VMP1: variants seen among roughly 807,000 people sequenced by gnomAD.
VMP1 encodes the protein vacuole membrane protein 1.
Under a neutral mutation model 56.0 loss-of-function variants are expected in VMP1, and 11 were observed. The ratio of observed to expected loss-of-function variants is 0.20; its 90% CI spans 0.12 to 0.32. VMP1 has a LOEUF of 0.32. Among genes scored for constraint, VMP1 ranks in the 10% least tolerant of loss-of-function variants. The pLI is 1.00. For missense variants in VMP1, 296 were observed against 490.3 expected, an observed-to-expected ratio of 0.60 and a Z score of 3.74; for synonymous variants, 149 against 165.0, an observed-to-expected ratio of 0.90 and a Z score of 0.74.
chr17:59,713,393 A>G (rs898382390), intron 1 of VMP1, among the ~76,000 whole-genome samples: 1 of 152,154 alleles, frequency 6.6e-6, no homozygotes, highest in African/African-American at 2.4e-5. Flanking sequence ...TAGAACTTAA[A>G]GTATAATAAT....
chr17:59,830,774 G>T (rs1381032877), intron 10 of VMP1, among the ~76,000 whole-genome samples: 1 of 152,208 alleles, frequency 6.6e-6, no homozygotes, highest in Non-Finnish European at 1.5e-5. Flanking sequence ...CAACTGCTTA[G>T]ACTTTAAGTA....
At position 59,738,943 on chromosome 17, in the gene VMP1, A is replaced by G; in HGVS notation, c.410A>G (p.Tyr137Cys). 1 of 1,591,056 alleles carries G rather than the reference A, an allele frequency of 6.3e-7. No homozygotes were observed. The highest frequency in any genetic ancestry group is 2.3e-5 in the East Asian group (1 of 44,000). Residue 137 changes from tyrosine (Y) to cysteine (C), a missense_variant, in exon 5 of 12, where the codon TAT becomes TGT. Tyr to Cys is a radical substitution (Grantham distance 194). This residue lies in a region of VMP1 where 126 missense variants were observed against 231.6 expected (regional missense o/e 0.54). Transcript: ENST00000262291. ...ACAGGGCTGCACACCTTTCTGCTTT[A>G]TCTGGTAAGAATAATTTTATTTTAA... ...LGTGLHTFLL[Y>C]LGPHIASVTL...
At chr17:59,765,586 C>T (rs1398025058) in intron 6 of VMP1, among the ~76,000 whole-genome samples, 1 of 152,066 alleles carries the variant, frequency 6.6e-6, no homozygotes, top group African/African-American at 2.4e-5. Flanking sequence ...TATTGTATAC[C>T]ATATTACAAA....
chr17:59,735,693 T>A, intron 3 of VMP1: 1 of 491,266 alleles, frequency 2.0e-6, no homozygotes, highest in Admixed American at 3.4e-5. Flanking sequence ...ATTATCACAG[T>A]TGTCCACTGT....
chr17:59,828,129 C>G (rs1023732218), intron 10 of VMP1, among the ~76,000 whole-genome samples: 5 of 152,128 alleles, frequency 3.3e-5, no homozygotes, highest in African/African-American at 1.2e-4. Flanking sequence ...TTACCTAGTC[C>G]TTATAGACCA....
chr17:59,717,124 C>T (rs1478073316), intron 1 of VMP1, among the ~76,000 whole-genome samples: 2 of 152,050 alleles, frequency 1.3e-5, no homozygotes, highest in Non-Finnish European at 2.9e-5. Context: ...GGACTACTGG[C>T]GCCCACCACC....
At chr17:59,807,729 G>A (rs1405066846) in intron 7 of VMP1, among the ~76,000 whole-genome samples, 1 of 151,702 alleles carries the variant, frequency 6.6e-6, no homozygotes, top group Non-Finnish European at 1.5e-5. Flanking sequence ...CTACTGGGAA[G>A]GCTGAGGCGA....
At chr17:59,720,494 A>G (rs571142804) in intron 1 of VMP1, among the ~76,000 whole-genome samples, 29 of 152,318 alleles carry the variant, frequency 1.9e-4, no homozygotes, top group Non-Finnish European at 4.0e-4. Flanking sequence ...GCATACTAAT[A>G]TGGAAAGGAA....
intron 2 of VMP1, among the ~76,000 whole-genome samples, chr17:59,732,250 G>A (rs1320179034): frequency 1.3e-5 from 2 of 152,042 alleles, no homozygotes; most frequent in Non-Finnish European, 2.9e-5. Flanking sequence ...TTGTTTGTTT[G>A]TTTGTTTGCT....
intron 8 of VMP1, among the ~76,000 whole-genome samples, chr17:59,809,304 CTTTTTTTTTTTTTTTTTTT>C (rs57274450): frequency 3.0e-5 from 1 of 33,430 alleles, no homozygotes; most frequent in South Asian, 2.0e-3. Context: ...GCCCATTCAA[CTTTTTTTTTTTTTTTTTTT>C]TTTTTTTTTG....
At chr17:59,825,909 T>C (rs2038632472) in intron 10 of VMP1, among the ~76,000 whole-genome samples, 1 of 152,254 alleles carries the variant, frequency 6.6e-6, no homozygotes, top group African/African-American at 2.4e-5. Flanking sequence ...CAGAATGAGC[T>C]ACGTGGGCCT....
intron 5 of VMP1, among the ~76,000 whole-genome samples, chr17:59,740,707 G>A (rs1220839771): frequency 1.3e-5 from 2 of 152,108 alleles, no homozygotes; most frequent in African/African-American, 2.4e-5. Context: ...AACTGCATTC[G>A]TAGTAGAATA....
At chr17:59,801,112 A>ATGTGTGTGTGTG (rs71145573) in intron 7 of VMP1, among the ~76,000 whole-genome samples, 1 of 110,326 alleles carries the variant, frequency 9.1e-6, no homozygotes, top group African/African-American at 4.4e-5. Context: ...ATATATATAT[A>ATGTGTGTGTGTG]TGTGTGTGTG....
At chr17:59,807,488 C>T (rs563806831) in intron 7 of VMP1, among the ~76,000 whole-genome samples, 1 of 151,950 alleles carries the variant, frequency 6.6e-6, no homozygotes, top group Admixed American at 6.6e-5. Flanking sequence ...TGAGCCACCG[C>T]GCCCGGCCGG....
At chr17:59,725,104 C>T (rs1305174401) in intron 1 of VMP1, among the ~76,000 whole-genome samples, 1 of 152,130 alleles carries the variant, frequency 6.6e-6, no homozygotes, top group Admixed American at 6.5e-5. Context: ...TTGCAGTGAG[C>T]CGAGATTGTG....
intron 5 of VMP1, among the ~76,000 whole-genome samples, chr17:59,760,813 G>A (rs961488020): frequency 6.6e-6 from 1 of 152,064 alleles, no homozygotes; most frequent in Non-Finnish European, 1.5e-5. Flanking sequence ...TAGGGATGGG[G>A]TTTCACCATG....
In VMP1 at chr17:59,722,817, G is replaced by A. The variant is rs1387277103; in HGVS notation, c.-26-8604G>A. On this transcript the variant is annotated intron_variant, in intron 1 of 11. Coordinates refer to ENST00000262291, the MANE Select transcript of VMP1 (RefSeq NM_030938.5). ...TGTGATAGCTCCACTGACGGTGGAG[G>A]TTGCAGTGAGCTGTGATTGCTCTAC... Among the ~76,000 whole-genome samples, 3 of 152,164 alleles carry A rather than the reference G, an allele frequency of 2.0e-5. No individual in the cohort carries two copies. The East Asian group carries it at 5.8e-4, about 29-fold the overall frequency.
At chr17:59,786,395 G>T (rs1011323125) in intron 7 of VMP1, among the ~76,000 whole-genome samples, 1 of 152,206 alleles carries the variant, frequency 6.6e-6, no homozygotes, top group Non-Finnish European at 1.5e-5. Flanking sequence ...GGTTGCAGTT[G>T]CCTACACCAT....
chr17:59,812,668 C>G (rs1254736219), intron 9 of VMP1, among the ~76,000 whole-genome samples: 4 of 152,154 alleles, frequency 2.6e-5, no homozygotes, highest in Admixed American at 2.6e-4. Flanking sequence ...CGTGGTGGCT[C>G]ACGCCTGTAA....
Sources: allele counts gnomAD v4.1 joint callset (sites outside exome capture counted in the v4.1 genomes callset), GRCh38; gene constraint gnomAD v4.1.1; regional missense constraint gnomAD v4.1.1; transcripts MANE v1.5; gene names NCBI Gene and HGNC (gene_info 2026-07-23, HGNC 2026-07-21).